Variants in HDAC4 observed in about 807,000 individuals in gnomAD.
HDAC4 encodes histone deacetylase 4.
Under a neutral mutation model 135.1 loss-of-function variants are expected in HDAC4, and 16 were observed. That is an observed-to-expected ratio of 0.12 (90% CI 0.08 to 0.18). The LOEUF is 0.18. HDAC4 is among the 10% of genes least tolerant of loss of function. HDAC4 has a pLI of 1.00. For missense variants in HDAC4, 1,143 were observed against 1,511.8 expected, an observed-to-expected ratio of 0.76 and a Z score of 4.05; for synonymous variants, 685 against 653.4, an observed-to-expected ratio of 1.05 and a Z score of -0.74.
intron 22 of HDAC4, among the ~76,000 whole-genome samples, chr2:239,078,006 A>G (rs2034934621): frequency 1.3e-5 from 2 of 152,208 alleles, no homozygotes; most frequent in Admixed American, 1.3e-4. Context: ...AAACTTCGTA[A>G]TATCACAGTG....
chr2:239,181,261 G>C (rs950605258), intron 4 of HDAC4, among the ~76,000 whole-genome samples: 3 of 152,204 alleles, frequency 2.0e-5, no homozygotes, highest in Non-Finnish European at 4.4e-5. Flanking sequence ...GCAGGAGGTA[G>C]GCCCACACCC....
At chr2:239,108,606 T>C (rs1054682705) in intron 14 of HDAC4, among the ~76,000 whole-genome samples, 2 of 152,138 alleles carry the variant, frequency 1.3e-5, no homozygotes, top group Non-Finnish European at 2.9e-5. Context: ...CCCCCTACCC[T>C]CAAAGTCTGC....
At chr2:239,395,910 G>C (rs1237469258) in intron 1 of HDAC4, among the ~76,000 whole-genome samples, 1 of 152,200 alleles carries the variant, frequency 6.6e-6, no homozygotes, top group African/African-American at 2.4e-5. Flanking sequence ...TTAAGATTTT[G>C]ACACTTAAGA....
At position 239,089,367 on chromosome 2, in the gene HDAC4, C is replaced by CA. The variant is rs1338707742; in HGVS notation, c.2388+641dup. ...TTTTTGAGACGGAGTCTCACTCTGT[C>CA]ACCCAGGCTGGAGTGCAATGGCGTG... On this transcript the variant is annotated intron_variant, in intron 18 of 26. Coordinates refer to ENST00000543185, the MANE Select transcript of HDAC4 (RefSeq NM_001378414.1). 2.0e-5 allele frequency among the ~76,000 whole-genome samples: 3 copies of CA among 152,146 alleles called. No homozygotes were observed. The East Asian group carries it at 5.8e-4, about 29-fold the overall frequency.
chr2:239,296,648 G>A (rs2125571497), intron 2 of HDAC4, among the ~76,000 whole-genome samples: 1 of 152,214 alleles, frequency 6.6e-6, no homozygotes, highest in East Asian at 1.9e-4. Context: ...TTGAAAATAA[G>A]TCACTAAATA....
chr2:239,296,629 T>A (rs1006281768), intron 2 of HDAC4, among the ~76,000 whole-genome samples: 17 of 152,308 alleles, frequency 1.1e-4, no homozygotes, highest in Middle Eastern at 6.8e-3. Context: ...CATTTCTGGA[T>A]CTTTTTCCTT....
At chr2:239,148,750 G>A (rs1054714506) in intron 7 of HDAC4, among the ~76,000 whole-genome samples, 4 of 152,216 alleles carry the variant, frequency 2.6e-5, no homozygotes, top group African/African-American at 4.8e-5. Context: ...AGGAGGCCAC[G>A]GAGCCCGGGA....
intron 2 of HDAC4, among the ~76,000 whole-genome samples, chr2:239,255,199 A>G (rs2048985282): frequency 6.6e-6 from 1 of 152,228 alleles, no homozygotes. Context: ...CAAAAACACT[A>G]GTAAATCATG....
At position 239,134,396 on chromosome 2, in the gene HDAC4, G is replaced by T. The variant is rs778704399; in HGVS notation, c.1143C>A (p.Leu381=). 3.7e-6 allele frequency: 6 copies of T among 1,613,776 alleles called. No homozygotes were observed. In the Admixed American group the frequency reaches 6.7e-5, roughly 18 times the overall value. ...QDAERLTLPA[L]QQRLSLFPGT... ...CGGGGAAAAGGGAGAGCCTCTGCTG[G>T]AGGGCGGGAAGGGTGAGTCTCTCGG... is the stretch of plus-strand genomic sequence containing the variant. Residue 381 remains leucine (L), a synonymous_variant, in exon 11 of 27, where the codon CTC becomes CTA. Coordinates refer to ENST00000543185, the MANE Select transcript of HDAC4 (RefSeq NM_001378414.1).
intron 2 of HDAC4, among the ~76,000 whole-genome samples, chr2:239,346,803 A>C (rs1692720489): frequency 1.4e-5 from 2 of 142,560 alleles, no homozygotes. Context: ...ACACACACAC[A>C]CCCTGTCTAA....
At chr2:239,211,539 G>A (rs969228695) in intron 3 of HDAC4, among the ~76,000 whole-genome samples, 12 of 152,214 alleles carry the variant, frequency 7.9e-5, no homozygotes, top group African/African-American at 2.4e-4. Flanking sequence ...ATTTGAAATT[G>A]CCATTCCGTT....
chr2:239,193,344 A>AT lies in HDAC4; in HGVS notation c.95-3268dup, dbSNP rs960793333. On this transcript the variant is annotated intron_variant, in intron 3 of 26. Coordinates refer to ENST00000543185, the MANE Select transcript of HDAC4 (RefSeq NM_001378414.1). Reference sequence around the variant, plus strand: ...CCGAACATAAAACAACTTTTAAGGGATTTTTTTTATTAACTTCAAAAACAT... The same window carrying AT: ...CCGAACATAAAACAACTTTTAAGGGATTTTTTTTTATTAACTTCAAAAACAT... Among the ~76,000 whole-genome samples, 8 of 152,090 alleles carry AT rather than the reference A, an allele frequency of 5.3e-5. No homozygotes were observed. In the East Asian group the frequency reaches 5.8e-4, roughly 11 times the overall value.
intron 1 of HDAC4, among the ~76,000 whole-genome samples, chr2:239,365,695 C>A (rs905449654): frequency 6.6e-6 from 1 of 152,136 alleles, no homozygotes; most frequent in Non-Finnish European, 1.5e-5. Flanking sequence ...GCGTGTGGCA[C>A]CAGGGGACAC....
intron 3 of HDAC4, among the ~76,000 whole-genome samples, chr2:239,192,618 G>A (rs535993649): frequency 2.0e-5 from 3 of 152,280 alleles, no homozygotes; most frequent in South Asian, 4.1e-4. Flanking sequence ...TCACAAGCAC[G>A]GCGGTGCTAA....
At chr2:239,164,267 A>G (rs2042994429) in intron 5 of HDAC4, among the ~76,000 whole-genome samples, 1 of 152,248 alleles carries the variant, frequency 6.6e-6, no homozygotes, top group Non-Finnish European at 1.5e-5. Flanking sequence ...TGGTGGTTGC[A>G]TTCTTGCTAC....
intron 6 of HDAC4, among the ~76,000 whole-genome samples, chr2:239,160,458 G>C (rs1290843139): frequency 1.3e-5 from 2 of 152,338 alleles, no homozygotes; most frequent in African/African-American, 4.8e-5. Context: ...CACCCACAGA[G>C]TCCACGCCCT....
chr2:239,279,224 G>A (rs1175047799), intron 2 of HDAC4, among the ~76,000 whole-genome samples: 2 of 152,232 alleles, frequency 1.3e-5, no homozygotes, highest in Non-Finnish European at 2.9e-5. Context: ...ACTCTGGGCT[G>A]CTAAGAAGGC....
chr2:239,109,700 C>T (rs3791413), intron 14 of HDAC4, among the ~76,000 whole-genome samples: 2 of 151,970 alleles, frequency 1.3e-5, no homozygotes. Flanking sequence ...GTGGGCATGG[C>T]TGTGCTTGGG....
chr2:239,246,770 A>C (rs2048488587), intron 2 of HDAC4, among the ~76,000 whole-genome samples: 2 of 152,236 alleles, frequency 1.3e-5, no homozygotes, highest in Admixed American at 1.3e-4. Context: ...GGCCAGCTGA[A>C]GCGTTCATAA....
Sources: gnomAD v4.1 joint callset for allele counts (sites outside exome capture counted in the v4.1 genomes callset) on GRCh38, gnomAD v4.1.1 for gene constraint, MANE v1.5 for transcripts, NCBI Gene and HGNC (gene_info 2026-07-23, HGNC 2026-07-21) for gene names.